The following PLPPR5 variants were observed in gnomAD, a reference collection of about 807,000 sequenced individuals.
The protein encoded by PLPPR5 is phospholipid phosphatase-related protein type 5.
A neutral mutation model predicts 33.9 loss-of-function variants in PLPPR5; 16 were observed. The observed-to-expected ratio is 0.47, with a 90% CI of 0.32 to 0.72. The LOEUF is 0.72. PLPPR5 is among the 30% of genes least tolerant of loss of function. The pLI is 0.03. For synonymous variants in PLPPR5, 163 were observed against 150.3 expected, an observed-to-expected ratio of 1.08 and a Z score of -0.62; for missense variants, 301 against 406.7, an observed-to-expected ratio of 0.74 and a Z score of 2.23.
intron 1 of PLPPR5, among the ~76,000 whole-genome samples, chr1:98,988,643 C>G (rs1470034734): frequency 1.3e-5 from 2 of 151,966 alleles, no homozygotes; most frequent in Non-Finnish European, 2.9e-5. Context: ...GAGAGCTCAC[C>G]AAACACCCAA....
intron 1 of PLPPR5, among the ~76,000 whole-genome samples, chr1:98,978,809 G>T (rs183260021): frequency 3.9e-5 from 6 of 151,940 alleles, no homozygotes; most frequent in African/African-American, 7.2e-5. Flanking sequence ...AATCAATGAG[G>T]TCAAATAATT....
At chr1:98,940,218 G>A (rs573878431) in intron 3 of PLPPR5, among the ~76,000 whole-genome samples, 33 of 151,880 alleles carry the variant, frequency 2.2e-4, no homozygotes, top group African/African-American at 7.7e-4. Flanking sequence ...TGAGGGTGCT[G>A]GCATACTTGA....
chr1:98,943,095 C>G (rs1650435579), intron 3 of PLPPR5, among the ~76,000 whole-genome samples: 1 of 152,162 alleles, frequency 6.6e-6, no homozygotes. Context: ...GTTTATAGAA[C>G]ATAGCATCCC....
chr1:98,937,856 A>G (rs1160631113), intron 3 of PLPPR5, among the ~76,000 whole-genome samples: 3 of 152,234 alleles, frequency 2.0e-5, no homozygotes, highest in Non-Finnish European at 2.9e-5. Flanking sequence ...GAACATTGAT[A>G]TAAGTTGAAA....
intron 5 of PLPPR5, among the ~76,000 whole-genome samples, chr1:98,898,429 G>C (rs1825128): frequency 1.6e-4 from 25 of 152,250 alleles, no homozygotes; most frequent in African/African-American, 5.5e-4. Flanking sequence ...CTTCTTTAAC[G>C]CATTCACTTG....
At chr1:98,939,578 C>A (rs1650299550) in intron 3 of PLPPR5, among the ~76,000 whole-genome samples, 1 of 151,758 alleles carries the variant, frequency 6.6e-6, no homozygotes, top group South Asian at 2.1e-4. Context: ...TCCTCAAAGC[C>A]TTGGCAGGCA....
chr1:98,936,289 G>T (rs1002277027), intron 3 of PLPPR5, among the ~76,000 whole-genome samples: 1 of 152,034 alleles, frequency 6.6e-6, no homozygotes, highest in Non-Finnish European at 1.5e-5. Context: ...GAGTTAAAAG[G>T]TCCTAAGTTT....
chr1:98,935,556 G>A (rs1650143841), intron 3 of PLPPR5, among the ~76,000 whole-genome samples: 1 of 152,086 alleles, frequency 6.6e-6, no homozygotes, highest in Admixed American at 6.6e-5. Flanking sequence ...AATGGGATAA[G>A]AAAAACCAAT....
At chr1:99,002,696 A>G (rs1186510227) in intron 1 of PLPPR5, among the ~76,000 whole-genome samples, 2 of 152,136 alleles carry the variant, frequency 1.3e-5, no homozygotes, top group Non-Finnish European at 2.9e-5. Context: ...TCTCGTCTCT[A>G]ACTAGCACCT....
intron 5 of PLPPR5, among the ~76,000 whole-genome samples, chr1:98,908,235 T>C (rs988042265): frequency 7.2e-5 from 11 of 152,200 alleles, no homozygotes; most frequent in South Asian, 2.1e-4. Context: ...TGTAGTTCTT[T>C]AGGAGCAAAG....
intron 3 of PLPPR5, among the ~76,000 whole-genome samples, chr1:98,944,484 C>T (rs1184933234): frequency 6.6e-6 from 1 of 152,192 alleles, no homozygotes; most frequent in Non-Finnish European, 1.5e-5. Flanking sequence ...TCATACTTTC[C>T]ACCATGTGAG....
intron 1 of PLPPR5, among the ~76,000 whole-genome samples, chr1:98,974,356 AC>A (rs1174811536): frequency 6.6e-6 from 1 of 152,094 alleles, no homozygotes; most frequent in Non-Finnish European, 1.5e-5. Flanking sequence ...AAAGCACAAA[AC>A]TTTTTCACAT....
chr1:98,925,685 A>C (rs1185867379), intron 3 of PLPPR5, among the ~76,000 whole-genome samples: 37 of 80,674 alleles, frequency 4.6e-4, no homozygotes. Flanking sequence ...TATTACAAAA[A>C]TAAATGGAAA....
chr1:98,893,696 T>A (rs1469424104), intron 5 of PLPPR5, among the ~76,000 whole-genome samples: 1 of 138,728 alleles, frequency 7.2e-6, no homozygotes, highest in Admixed American at 8.0e-5. Context: ...AACATTTAAA[T>A]AGATTCAGGC....
intron 5 of PLPPR5, among the ~76,000 whole-genome samples, chr1:98,914,070 G>T (rs1649251697): frequency 6.6e-6 from 1 of 152,190 alleles, no homozygotes; most frequent in African/African-American, 2.4e-5. Flanking sequence ...AACTGTGAAT[G>T]TGTGCCAGGC....
chr1:98,897,594 A>G (rs758102009), intron 5 of PLPPR5, among the ~76,000 whole-genome samples: 38 of 152,174 alleles, frequency 2.5e-4, no homozygotes, highest in Non-Finnish European at 4.1e-4. Context: ...AACAATCAGC[A>G]TAGGGTTTTA....
At chr1:98,932,739 A>T (rs1035742137) in intron 3 of PLPPR5, among the ~76,000 whole-genome samples, 26 of 152,216 alleles carry the variant, frequency 1.7e-4, no homozygotes, top group African/African-American at 5.5e-4. Flanking sequence ...AAGCATGCAC[A>T]TTAGTTGGTT....
intron 5 of PLPPR5, among the ~76,000 whole-genome samples, chr1:98,904,958 A>C (rs922389933): frequency 1.3e-5 from 2 of 152,202 alleles, no homozygotes; most frequent in Non-Finnish European, 2.9e-5. Flanking sequence ...CTAACAGCAG[A>C]CTTTGCCAAA....
chr1:98,947,343 T>C (rs1650594170), intron 3 of PLPPR5, among the ~76,000 whole-genome samples: 1 of 152,170 alleles, frequency 6.6e-6, no homozygotes, highest in South Asian at 2.1e-4. Flanking sequence ...CAGAAAACCA[T>C]TATAAAGCCA....
Sources: allele counts gnomAD v4.1 joint callset (sites outside exome capture counted in the v4.1 genomes callset), GRCh38; gene constraint gnomAD v4.1.1; transcripts MANE v1.5; gene names NCBI Gene and HGNC (gene_info 2026-07-23, HGNC 2026-07-21).